Variants in SETD2 observed in about 807,000 individuals in gnomAD.
SETD2 encodes the protein SET domain containing 2, histone lysine methyltransferase, also known as histone-lysine N-methyltransferase SETD2.
SETD2 carries 31 observed loss-of-function variants against 242.1 expected under a neutral mutation model. That is an observed-to-expected ratio of 0.13 (90% CI 0.10 to 0.17). The LOEUF (loss-of-function observed/expected upper bound fraction) is 0.17. Among genes scored for constraint, SETD2 ranks in the 10% least tolerant of loss-of-function variants. The pLI is 1.00. For missense variants in SETD2, 2,481 were observed against 3,046.3 expected (o/e 0.81, Z 4.37); for synonymous variants, 1,006 against 1,066.5 (o/e 0.94, Z 1.11).
chr3:47,042,466 G>C (rs2107538575), intron 17 of SETD2, 95 bp downstream of exon 17: 1 of 1,219,672 alleles, frequency 8.2e-7, no homozygotes, highest in Non-Finnish European at 1.2e-6. Flanking sequence ...AAAAGCTAAT[G>C]ACAAGAAGTT....
chr3:47,081,311 T>C (rs961331794), intron 12 of SETD2, among the ~76,000 whole-genome samples: 2 of 152,202 alleles, frequency 1.3e-5, no homozygotes, highest in African/African-American at 4.8e-5. Context: ...TGTCCACCAA[T>C]GTTATGGTGG....
chr3:47,030,763 C>T (rs2038727463), intron 18 of SETD2, among the ~76,000 whole-genome samples: 2 of 152,098 alleles, frequency 1.3e-5, no homozygotes, highest in South Asian at 2.1e-4. Context: ...TTTAGAATTC[C>T]ATATCCAGTG....
rs2038029868 is a variant in SETD2, at chr3:47,017,462, TG to T, written c.7533+175del. Among the ~76,000 whole-genome samples, 1 of 152,062 alleles carries T rather than the reference TG, an allele frequency of 6.6e-6. No individual in the cohort carries two copies. Among genetic ancestry groups the T allele is most frequent in the Non-Finnish European group, 1.5e-5 (1 of 68,010 alleles). ...CTCTGAAAATTTCTTAGAGAACTAC[TG>T]CTGTCATGTAAGGTACGCATCCCTC... On this transcript the variant is annotated intron_variant, in intron 20 of 20. Transcript: ENST00000409792. The surrounding 1 kb of genome is among the most constrained non-coding windows in gnomAD (Gnocchi z 4.8).
chr3:47,045,106 G>A (rs559957722), intron 16 of SETD2, among the ~76,000 whole-genome samples: 4 of 152,284 alleles, frequency 2.6e-5, no homozygotes, highest in East Asian at 3.9e-4. Flanking sequence ...TTGTTACTTC[G>A]GCCAGGTGTG....
chr3:47,121,175 T>A lies in SETD2; in HGVS notation c.3461A>T (p.Asp1154Val), dbSNP rs777213195. ...SFTQSSRKQI[D>V]NRLPELSHPQ... is the part of the protein sequence containing the mutation. The stretch of plus-strand genomic sequence containing the variant: ...ATGAGAAAGTTCAGGCAGGCGATTA[T>A]CTATTTGTTTTCTACTGGACTGTGT... Residue 1154 changes from aspartate to valine, a missense_variant, in exon 3 of 21, where the codon GAT becomes GTT. Physicochemically the swap from Asp to Val is radical, Grantham distance 152. Coordinates refer to ENST00000409792, the MANE Select transcript of SETD2 (RefSeq NM_014159.7). The A allele has an allele frequency of 6.2e-7, 1 of 1,614,132 alleles. No homozygotes were observed. The highest frequency in any genetic ancestry group is 8.5e-7 in the Non-Finnish European group (1 of 1,179,976).
intron 13 of SETD2, 100 bp downstream of exon 13, chr3:47,066,970 G>T: frequency 1.2e-6 from 1 of 827,150 alleles, no homozygotes; most frequent in Non-Finnish European, 2.0e-6. Context: ...ATATTCTCTA[G>T]TTTCAAAAAC....
intron 6 of SETD2, 99 bp from the exon 7 acceptor site, chr3:47,103,522 A>G (rs1026640389): frequency 1.1e-6 from 1 of 910,088 alleles, no homozygotes; most frequent in Non-Finnish European, 1.8e-6. Flanking sequence ...TCAATTAAAA[A>G]AAAGATTGTG....
At chr3:47,032,947 T>C (rs1314309678) in intron 18 of SETD2, among the ~76,000 whole-genome samples, 1 of 152,010 alleles carries the variant, frequency 6.6e-6, no homozygotes, top group African/African-American at 2.4e-5. Flanking sequence ...AAAGACTGAA[T>C]TGCTTTCCAC....
At chr3:47,099,505 A>G (rs1200053746) in intron 8 of SETD2, among the ~76,000 whole-genome samples, 1 of 152,214 alleles carries the variant, frequency 6.6e-6, no homozygotes, top group Non-Finnish European at 1.5e-5. Flanking sequence ...TGAGGCACAC[A>G]TTAGTTGTCT....
In SETD2 at chr3:47,123,590, C is replaced by T. The variant is rs1412997569; in HGVS notation, c.1046G>A (p.Arg349Lys). The change falls in exon 3 of 21, where the codon AGA becomes AAA. Residue 349 changes from arginine to lysine, a missense_variant. Transcript: ENST00000409792. ...LKFSASIEKE[R>K]DFKKSSAPLK... is the part of the protein sequence containing the mutation. ...AGGTGCTGAGCTCTTTTTAAAATCT[C>T]TTTCCTTTTCAATGCTTGCTGAAAA... is the stretch of plus-strand genomic sequence containing the variant. The T allele has an allele frequency of 6.5e-7, 1 of 1,550,222 alleles. No homozygotes were observed. Among genetic ancestry groups the T allele is most frequent in the Admixed American group, 2.0e-5 (1 of 50,752 alleles).
At chr3:47,111,291 C>T (rs1018450578) in intron 5 of SETD2, among the ~76,000 whole-genome samples, 1 of 151,906 alleles carries the variant, frequency 6.6e-6, no homozygotes, top group African/African-American at 2.4e-5. Context: ...TATAAAGAAT[C>T]CAATGAATGG....
At chr3:47,042,435 C>A in intron 17 of SETD2, 126 bp downstream of exon 17, 1 of 835,880 alleles carries the variant, frequency 1.2e-6, no homozygotes, top group South Asian at 1.6e-5. Context: ...TCTGGAAATC[C>A]AGCAGCCTTC....
At chr3:47,052,942 T>A (rs1363146649) in intron 15 of SETD2, among the ~76,000 whole-genome samples, 1 of 151,950 alleles carries the variant, frequency 6.6e-6, no homozygotes, top group Non-Finnish European at 1.5e-5. Flanking sequence ...CAGGCTAGAG[T>A]GCAATGGCGC....
intron 12 of SETD2, among the ~76,000 whole-genome samples, chr3:47,074,871 C>T (rs2040983157): frequency 6.6e-6 from 1 of 152,180 alleles, no homozygotes. Context: ...AACGGTGGCT[C>T]ACGCCTGTAA....
chr3:47,096,648 C>T (rs1035051423), intron 9 of SETD2, among the ~76,000 whole-genome samples: 16 of 150,978 alleles, frequency 1.1e-4, no homozygotes, highest in Admixed American at 2.0e-4. Flanking sequence ...TTTGGGAGGC[C>T]AAGGTGAGAG....
At chr3:47,042,536 G>T (rs2107538992) in intron 17 of SETD2, 25 bp downstream of exon 17, 1 of 1,612,826 alleles carries the variant, frequency 6.2e-7, no homozygotes, top group Admixed American at 1.7e-5. Context: ...AGCAGACATG[G>T]GAACGCCCAT....
rs1161942915 is a variant in SETD2, at chr3:47,121,210, T to C, written c.3426A>G (p.Glu1142=). Residue 1142 remains glutamate, a synonymous_variant, in exon 3 of 21, where the codon GAA becomes GAG. Coordinates refer to ENST00000409792, the MANE Select transcript of SETD2 (RefSeq NM_014159.7). ...TTCTACTGGACTGTGTAAAAGAAATTTCCGGATTCTTCTCTGTTCCTTTAT... is the reference window on the plus strand; with the variant it reads ...TTCTACTGGACTGTGTAAAAGAAATCTCCGGATTCTTCTCTGTTCCTTTAT... ...FLHKGTEKNP[E]ISFTQSSRKQ... 6.8e-6 allele frequency: 11 copies of C among 1,614,126 alleles called. No homozygotes were observed. The highest frequency in any genetic ancestry group is 9.3e-6 in the Non-Finnish European group (11 of 1,179,992).
At chr3:47,098,139 T>C (rs1355530020) in intron 8 of SETD2, 58 bp from the exon 9 acceptor site, 2 of 1,586,540 alleles carry the variant, frequency 1.3e-6, no homozygotes, top group South Asian at 2.3e-5. Flanking sequence ...TACAAAACTG[T>C]TGGCAATACA....
At chr3:47,022,449 G>A (rs559893506) in intron 18 of SETD2, among the ~76,000 whole-genome samples, 1 of 152,230 alleles carries the variant, frequency 6.6e-6, no homozygotes. Context: ...GCTGCAGTGA[G>A]CTGTGATCAT....
Sources: gnomAD v4.1 joint callset for allele counts (sites outside exome capture counted in the v4.1 genomes callset) on GRCh38, gnomAD v4.1.1 for gene constraint, Gnocchi (gnomAD v3.1) non-coding constraint, MANE v1.5 for transcripts, NCBI Gene and HGNC (gene_info 2026-07-23, HGNC 2026-07-21) for gene names.